The following NFAT5 variants were observed in gnomAD, a reference collection of about 807,000 sequenced individuals.
The protein encoded by NFAT5 is nuclear factor of activated T-cells 5.
A neutral mutation model predicts 166.5 loss-of-function variants in NFAT5; 31 were observed. The observed-to-expected ratio is 0.19, with a 90% CI of 0.14 to 0.25. The LOEUF (loss-of-function observed/expected upper bound fraction) is 0.25, where lower values mean the gene tolerates loss of function less well. Ranked by LOEUF, NFAT5 falls within the 10% of genes least tolerant of loss-of-function variation. The pLI, the probability that NFAT5 is intolerant of heterozygous loss-of-function variation, is 1.00. For missense variants in NFAT5, 1,449 were observed against 1,821.8 expected, an observed-to-expected ratio of 0.80 and a Z score of 3.72; for synonymous variants, 612 against 639.7, an observed-to-expected ratio of 0.96 and a Z score of 0.65.
chr16:69,670,809 AC>A (rs1451282214), intron 9 of NFAT5, among the ~76,000 whole-genome samples: 4 of 152,152 alleles, frequency 2.6e-5, no homozygotes, highest in Non-Finnish European at 5.9e-5. Context: ...ACAGGACCAA[AC>A]CCCTAGAAAT....
intron 10 of NFAT5, among the ~76,000 whole-genome samples, chr16:69,683,268 A>T (rs1192996976): frequency 6.6e-6 from 1 of 152,170 alleles, no homozygotes; most frequent in Non-Finnish European, 1.5e-5. Context: ...ACGGTGGTTC[A>T]TGCCTGTAAT....
At chr16:69,670,182 C>T (rs750838989) in intron 8 of NFAT5, 54 bp from the exon 9 acceptor site, 2 of 1,569,722 alleles carry the variant, frequency 1.3e-6, no homozygotes, top group East Asian at 2.3e-5. Flanking sequence ...GTCATAGCTA[C>T]AGAGTAAAAA....
At chr16:69,671,368 T>C (rs975176037) in intron 9 of NFAT5, among the ~76,000 whole-genome samples, 3 of 152,162 alleles carry the variant, frequency 2.0e-5, no homozygotes, top group Admixed American at 6.6e-5. Flanking sequence ...TTGTTTGTTT[T>C]TGTTTTGTTG....
chr16:69,595,156 C>T (rs1388820149), intron 2 of NFAT5, among the ~76,000 whole-genome samples: 1 of 152,134 alleles, frequency 6.6e-6, no homozygotes, highest in Non-Finnish European at 1.5e-5. Context: ...CAAGTTGACA[C>T]TCAGTATTAA....
At chr16:69,579,043 T>C (rs2031492335) in intron 2 of NFAT5, among the ~76,000 whole-genome samples, 2 of 151,990 alleles carry the variant, frequency 1.3e-5, no homozygotes, top group Non-Finnish European at 2.9e-5. Context: ...CCTGGCTAAC[T>C]TTTTATATTT....
At chr16:69,593,504 A>C (rs2032603657) in intron 2 of NFAT5, among the ~76,000 whole-genome samples, 2 of 150,666 alleles carry the variant, frequency 1.3e-5, no homozygotes, top group South Asian at 4.2e-4. Flanking sequence ...AACTAGAGAC[A>C]GTGTCTCCCT....
chr16:69,603,609 G>A (rs1468707518), intron 2 of NFAT5, among the ~76,000 whole-genome samples: 3 of 151,984 alleles, frequency 2.0e-5, no homozygotes, highest in African/African-American at 4.8e-5. Context: ...AAAATTAGCC[G>A]GGCATGGTGA....
chr16:69,667,143 A>C (rs1247796645), intron 7 of NFAT5, among the ~76,000 whole-genome samples: 2 of 126,326 alleles, frequency 1.6e-5, no homozygotes, highest in African/African-American at 3.1e-5. Flanking sequence ...GGACACAGGA[A>C]GGGGAACATC....
At chr16:69,643,164 G>A (rs1447817807) in intron 3 of NFAT5, among the ~76,000 whole-genome samples, 1 of 149,402 alleles carries the variant, frequency 6.7e-6, no homozygotes, top group Non-Finnish European at 1.5e-5. Context: ...GTTCCAGTGA[G>A]CCGAGATCGC....
chr16:69,676,466 G>T (rs989391150), intron 9 of NFAT5, among the ~76,000 whole-genome samples: 1 of 152,202 alleles, frequency 6.6e-6, no homozygotes, highest in South Asian at 2.1e-4. Context: ...TCACATTGAG[G>T]TTGTACAGAA....
At chr16:69,662,242 A>G (rs1372187631) in intron 7 of NFAT5, among the ~76,000 whole-genome samples, 1 of 152,184 alleles carries the variant, frequency 6.6e-6, no homozygotes, top group Non-Finnish European at 1.5e-5. Context: ...AAATAGAAGT[A>G]AAACAAGTAA....
rs1374900632 is a variant in NFAT5 at position 69,566,573 on chromosome 16, C to T, written c.73+199C>T. Among the ~76,000 whole-genome samples, 1 of 152,050 alleles carries T rather than the reference C, an allele frequency of 6.6e-6. No homozygotes were observed. Among genetic ancestry groups the T allele is most frequent in the African/African-American group, 2.4e-5 (1 of 41,422 alleles). Reference sequence around the variant, plus strand: ...GGCGGGCGGAGCAGTGGCGGCCCCTCCCCCGCGGAGCCGCCGGCCGCTCGG... The same window carrying T: ...GGCGGGCGGAGCAGTGGCGGCCCCTTCCCCGCGGAGCCGCCGGCCGCTCGG... On this transcript the variant is annotated intron_variant, in intron 1 of 14. Transcript: ENST00000349945. The surrounding 1 kb of genome is among the most constrained non-coding windows in gnomAD (Gnocchi z 5.7).
rs1299052323 is a variant in NFAT5 at position 69,692,438 on chromosome 16, C to T, written c.2613C>T (p.Val871=). ...PGMFSSTEPT[V]HTRPDNLLPG... ...TGTTTTCCTCAACAGAGCCAACAGT[C>T]CATACCAGACCAGATAATTTATTAC... The change falls in exon 13 of 15, where the codon GTC becomes GTT. Residue 871 remains valine, a synonymous_variant. Coordinates refer to ENST00000349945, the MANE Select transcript of NFAT5 (RefSeq NM_138713.4). 1.2e-6 allele frequency: 2 copies of T among 1,614,198 alleles called. No homozygotes were observed. Among genetic ancestry groups the T allele is most frequent in the Non-Finnish European group, 1.7e-6 (2 of 1,180,034 alleles).
At chr16:69,629,115 G>T (rs566816335) in intron 3 of NFAT5, among the ~76,000 whole-genome samples, 1 of 152,082 alleles carries the variant, frequency 6.6e-6, no homozygotes, top group East Asian at 1.9e-4. Context: ...TAAAAATATT[G>T]ACTCTTGATA....
At chr16:69,609,481 G>A (rs922757948) in intron 2 of NFAT5, among the ~76,000 whole-genome samples, 1 of 152,156 alleles carries the variant, frequency 6.6e-6, no homozygotes, top group African/African-American at 2.4e-5. Context: ...TTAAGTTAGA[G>A]GCATTCTGCA....
intron 13 of NFAT5, among the ~76,000 whole-genome samples, chr16:69,694,521 C>T (rs2037693920): frequency 6.6e-6 from 1 of 152,194 alleles, no homozygotes; most frequent in Non-Finnish European, 1.5e-5. Flanking sequence ...TCCCAAAGTG[C>T]TGGGATTACA....
chr16:69,700,216 C>G lies in NFAT5; in HGVS notation c.*3865C>G, dbSNP rs767843686. On this transcript the variant is annotated 3_prime_UTR_variant, in exon 15 of 15. Coordinates refer to ENST00000349945, the MANE Select transcript of NFAT5 (RefSeq NM_138713.4). ...TCTCCCTTCCTTCCTTTCTTCCATTCATCCTTCCTTGCCTTTTATTTTTAT... is the reference window on the plus strand; with the variant it reads ...TCTCCCTTCCTTCCTTTCTTCCATTGATCCTTCCTTGCCTTTTATTTTTAT... 5.9e-5 allele frequency: 9 copies of G among 151,398 alleles called. No homozygotes were observed. The highest frequency in any genetic ancestry group is 9.7e-5 in the African/African-American group (4 of 41,152). 9.4% of individuals were successfully genotyped at this position (151,398 alleles called of 1,614,324 possible). A position where few individuals can be genotyped will look rare whatever the true frequency, so the allele number is the denominator to read the frequency against.
rs1439296592 is a variant in NFAT5, at chr16:69,699,186, G to A, written c.*2835G>A. The A allele has an allele frequency of 1.3e-5, 2 of 153,232 alleles. No homozygotes were observed. Among genetic ancestry groups the A allele is most frequent in the African/African-American group, 4.8e-5 (2 of 41,446 alleles). The allele number at this position is 153,232 out of a possible 1,614,324, so 9.5% of individuals were successfully genotyped here. A position where few individuals can be genotyped will look rare whatever the true frequency, so the allele number is the denominator to read the frequency against. Reference sequence around the variant, plus strand: ...AATCTATCTGTTCAAGTTCTAATTAGGATGATTGTTAATACTGCACTGTGG... The same window carrying A: ...AATCTATCTGTTCAAGTTCTAATTAAGATGATTGTTAATACTGCACTGTGG... On this transcript the variant is annotated 3_prime_UTR_variant, in exon 15 of 15. Transcript: ENST00000349945.
intron 7 of NFAT5, among the ~76,000 whole-genome samples, chr16:69,667,302 C>T (rs548135453): frequency 6.6e-6 from 1 of 151,308 alleles, no homozygotes; most frequent in African/African-American, 2.4e-5. Context: ...TGCACATGTA[C>T]CCTAAAACTT....
Sources: allele counts gnomAD v4.1 joint callset (sites outside exome capture counted in the v4.1 genomes callset), GRCh38; gene constraint gnomAD v4.1.1; non-coding constraint Gnocchi (gnomAD v3.1); transcripts MANE v1.5; gene names NCBI Gene and HGNC (gene_info 2026-07-23, HGNC 2026-07-21).